Variants in PRKCH observed in about 807,000 individuals in gnomAD.
PRKCH encodes the protein protein kinase C eta.
PRKCH carries 28 observed loss-of-function variants against 82.5 expected under a neutral mutation model. The observed-to-expected ratio is 0.34, with a 90% confidence interval of 0.25 to 0.47. The LOEUF is 0.47. PRKCH is among the 20% of genes least tolerant of loss of function. PRKCH has a pLI of 1.00. For missense variants in PRKCH, 705 were observed against 881.8 expected (o/e 0.80, Z 2.54); for synonymous variants, 322 against 327.4 (o/e 0.98, Z 0.18).
chr14:61,535,212 G>C (rs2043091455), intron 12 of PRKCH, among the ~76,000 whole-genome samples: 1 of 152,190 alleles, frequency 6.6e-6, no homozygotes, highest in Non-Finnish European at 1.5e-5. Context: ...CTCAGGTTCT[G>C]TGCGAGGTGC....
At chr14:61,403,177 GT>G (rs1422063824) in intron 2 of PRKCH, among the ~76,000 whole-genome samples, 6 of 152,072 alleles carry the variant, frequency 3.9e-5, no homozygotes, top group Admixed American at 6.5e-5. Flanking sequence ...AATTGTTATT[GT>G]TTTTAATAAA....
Position 61,322,148 on chromosome 14 carries a change from T to C in PRKCH, c.47T>C (p.Ile16Thr), listed in dbSNP as rs1201894343. Residue 16 changes from isoleucine to threonine, a missense_variant, in exon 1 of 14, where the codon ATC (isoleucine) becomes ACC (threonine). This residue lies in a region of PRKCH where 246 missense variants were observed against 308.0 expected (regional missense o/e 0.80). Transcript: ENST00000332981. Reference sequence around the variant, plus strand: ...TTCAATGGCTATTTGAGGGTCCGCATCGGTGAGGCAGTGGGGCTGCAGCCC... The same window carrying C: ...TTCAATGGCTATTTGAGGGTCCGCACCGGTGAGGCAGTGGGGCTGCAGCCC... ...MKFNGYLRVR[I>T]GEAVGLQPTR... The C allele has an allele frequency of 6.2e-7, 1 of 1,606,734 alleles. No individual in the cohort carries two copies. Among genetic ancestry groups the C allele is most frequent in the East Asian group, 2.2e-5 (1 of 44,486 alleles).
chr14:61,254,383 T>C (rs2044978285), intron 1 of PRKCH, among the ~76,000 whole-genome samples: 1 of 151,894 alleles, frequency 6.6e-6, no homozygotes, highest in African/African-American at 2.4e-5. Flanking sequence ...GAGGCCAAGG[T>C]AGGAGGATTG....
chr14:61,549,089 C>G (rs777446705), intron 13 of PRKCH, among the ~76,000 whole-genome samples: 4 of 152,178 alleles, frequency 2.6e-5, no homozygotes, highest in Non-Finnish European at 5.9e-5. Flanking sequence ...CCCCTGCCAG[C>G]GCCCCTGGGA....
At chr14:61,518,743 C>G (rs2042862126) in intron 10 of PRKCH, among the ~76,000 whole-genome samples, 1 of 152,196 alleles carries the variant, frequency 6.6e-6, no homozygotes, top group African/African-American at 2.4e-5. Context: ...ACACCCAGAA[C>G]AGGATGAAGA....
chr14:61,328,964 T>A (rs2045742850), intron 1 of PRKCH, among the ~76,000 whole-genome samples: 1 of 148,944 alleles, frequency 6.7e-6, no homozygotes, highest in East Asian at 2.0e-4. Flanking sequence ...CTAGCTTAAA[T>A]GACAGAGCAA....
intron 3 of PRKCH, among the ~76,000 whole-genome samples, chr14:61,444,620 A>T (rs1385290574): frequency 1.3e-5 from 2 of 151,366 alleles, no homozygotes. Flanking sequence ...TCACCCTCAT[A>T]CTCTCTCTCT....
At chr14:61,353,560 C>G (rs1376045686) in intron 1 of PRKCH, 1 of 152,040 alleles carries the variant, frequency 6.6e-6, no homozygotes, top group African/African-American at 2.4e-5. Context: ...AAATAAGGCC[C>G]TTGGAGTACC....
intron 10 of PRKCH, among the ~76,000 whole-genome samples, chr14:61,493,324 TA>T (rs2139934854): frequency 6.6e-6 from 1 of 152,320 alleles, no homozygotes; most frequent in East Asian, 1.9e-4. Flanking sequence ...CGTCCTTGTC[TA>T]AATGGTTGCT....
intron 1 of PRKCH, among the ~76,000 whole-genome samples, chr14:61,205,806 G>A (rs1261023921): frequency 6.6e-6 from 1 of 152,232 alleles, no homozygotes; most frequent in Non-Finnish European, 1.5e-5. Context: ...GAGATTCTGA[G>A]AGGAATTCCG....
intron 1 of PRKCH, among the ~76,000 whole-genome samples, chr14:61,208,289 T>C (rs185816669): frequency 4.7e-3 from 720 of 152,278 alleles, no homozygotes; most frequent in African/African-American, 0.016. Flanking sequence ...TTTTATTCAG[T>C]GAATATTTAT....
intron 1 of PRKCH, among the ~76,000 whole-genome samples, chr14:61,196,219 G>A (rs930894770): frequency 6.6e-6 from 1 of 152,202 alleles, no homozygotes; most frequent in African/African-American, 2.4e-5. Flanking sequence ...TGTTTTGGGA[G>A]GAAATTGCCA....
intron 1 of PRKCH, among the ~76,000 whole-genome samples, chr14:61,227,289 C>T (rs1006976708): frequency 6.6e-6 from 1 of 152,170 alleles, no homozygotes; most frequent in African/African-American, 2.4e-5. Context: ...AATAAGAGTA[C>T]CTGCCTCATA....
At chr14:61,305,188 A>C (rs2140106627) in intron 1 of PRKCH, 1 of 151,902 alleles carries the variant, frequency 6.6e-6, no homozygotes, top group East Asian at 1.9e-4. Flanking sequence ...AATTATTATT[A>C]TCTTTTACTT....
At chr14:61,253,985 C>CCCT (rs2044972714) in intron 1 of PRKCH, among the ~76,000 whole-genome samples, 2 of 94,246 alleles carry the variant, frequency 2.1e-5, no homozygotes, top group Non-Finnish European at 4.3e-5. Context: ...CCTCCTCCCT[C>CCCT]CCTCCCTCCC....
At chr14:61,356,537 T>A (rs112674535) in intron 1 of PRKCH, among the ~76,000 whole-genome samples, 1,944 of 152,336 alleles carry the variant, frequency 0.013, 56 homozygotes, top group African/African-American at 0.044. Context: ...TGTCAGTTGA[T>A]TTTTGTCTCA....
chr14:61,200,264 A>G (rs1364621382), intron 1 of PRKCH, among the ~76,000 whole-genome samples: 1 of 152,188 alleles, frequency 6.6e-6, no homozygotes, highest in East Asian at 1.9e-4. Context: ...GCTTAAAACC[A>G]TAGAAAAAAA....
At chr14:61,380,482 C>T (rs1363247925) in intron 1 of PRKCH, among the ~76,000 whole-genome samples, 3 of 152,164 alleles carry the variant, frequency 2.0e-5, no homozygotes, top group African/African-American at 4.8e-5. Flanking sequence ...CATTTGACTT[C>T]TTCAGGAGAA....
chr14:61,188,736 TGTGA>T (rs1454779353), intron 1 of PRKCH, among the ~76,000 whole-genome samples: 9 of 145,902 alleles, frequency 6.2e-5, no homozygotes, highest in East Asian at 2.0e-4. Flanking sequence ...TGTGTGTGTG[TGTGA>T]TGGAGTTTTG....
Sources: allele counts gnomAD v4.1 joint callset (sites outside exome capture counted in the v4.1 genomes callset), GRCh38; gene constraint gnomAD v4.1.1; regional missense constraint gnomAD v4.1.1; transcripts MANE v1.5; gene names NCBI Gene and HGNC (gene_info 2026-07-23, HGNC 2026-07-21).